DAAM1: variants seen among roughly 807,000 people sequenced by gnomAD.
DAAM1 encodes the protein dishevelled associated activator of morphogenesis 1.
A neutral mutation model predicts 130.0 loss-of-function variants in DAAM1; 52 were observed. The observed-to-expected ratio is 0.40, with a 90% CI of 0.32 to 0.50. DAAM1 has a LOEUF of 0.50. DAAM1 is among the 20% of genes least tolerant of loss of function. The probability of loss-of-function intolerance (pLI) is 0.61; values close to 1 mark genes in which losing one functional copy is unlikely to be tolerated. For synonymous variants in DAAM1, 452 were observed against 444.5 expected (o/e 1.02, Z -0.21); for missense variants, 1,134 against 1,303.8 (o/e 0.87, Z 2.01).
intron 23 of DAAM1, 50 bp from the exon 24 acceptor site, chr14:59,367,379 T>C: frequency 3.2e-6 from 5 of 1,549,192 alleles, no homozygotes; most frequent in Non-Finnish European, 3.5e-6. Flanking sequence ...TTATATTTGA[T>C]TGTGGAATTC....
At chr14:59,202,413 C>A (rs1888133497) in intron 1 of DAAM1, among the ~76,000 whole-genome samples, 1 of 152,134 alleles carries the variant, frequency 6.6e-6, no homozygotes, top group African/African-American at 2.4e-5. Context: ...ATAGCAGAAG[C>A]AAGGAAAATA....
At position 59,331,252 on chromosome 14, in the gene DAAM1, C is replaced by A; in HGVS notation, c.1604C>A (p.Ala535Glu). 6.2e-7 allele frequency: 1 copy of A among 1,613,026 alleles called. No individual in the cohort carries two copies. Among genetic ancestry groups the A allele is most frequent in the Non-Finnish European group, 8.5e-7 (1 of 1,179,996 alleles). ...ATCCCAGGTGGACCCTCGCCTGGAG[C>A]ACCAGGAGGGCCCTTTCCTTCCTCT... ...ASIPGGPSPG[A>E]PGGPFPSSVP... is the part of the protein sequence containing the mutation. The change falls in exon 14 of 25, where the codon GCA (alanine) becomes GAA (glutamate). Residue 535 changes from alanine (A) to glutamate (E), a missense_variant. This residue lies in a region of DAAM1 where 644 missense variants were observed against 695.9 expected (regional missense o/e 0.93). Transcript: ENST00000360909.
chr14:59,323,160 C>G lies in DAAM1; in HGVS notation c.709C>G (p.His237Asp), dbSNP rs201077027. 6.2e-7 allele frequency: 1 copy of G among 1,613,732 alleles called. No individual in the cohort carries two copies. ...CGCCGTGTGCCTGGTTCCCGGGGGC[C>G]ACAAGAAGGTTCTGCAGGCCATGCT... ...LGAVCLVPGG[H>D]KKVLQAMLHY... The change falls in exon 6 of 25, where the codon CAC becomes GAC. Residue 237 changes from histidine to aspartate, a missense_variant. His to Asp is a moderately conservative substitution (Grantham distance 81, BLOSUM62 -1). Around this residue, in one of 3 missense-constraint regions of DAAM1, gnomAD observed 391 missense variants for 521.6 expected, o/e 0.75. Transcript: ENST00000360909.
chr14:59,243,742 T>G (rs1023019370), intron 1 of DAAM1, among the ~76,000 whole-genome samples: 2 of 152,210 alleles, frequency 1.3e-5, no homozygotes, highest in African/African-American at 4.8e-5. Flanking sequence ...CTTTGTCCAG[T>G]GACTGAATAC....
chr14:59,281,201 A>G (rs1415149598), intron 2 of DAAM1, among the ~76,000 whole-genome samples: 1 of 152,196 alleles, frequency 6.6e-6, no homozygotes, highest in Non-Finnish European at 1.5e-5. Flanking sequence ...CCAGGAGGAC[A>G]TATCAAAAGT....
At chr14:59,315,199 G>A (rs2139605671) in intron 3 of DAAM1, 81 bp from the exon 4 acceptor site, 3 of 1,234,268 alleles carry the variant, frequency 2.4e-6, no homozygotes, top group Non-Finnish European at 3.6e-6. Flanking sequence ...TCATTGTCTG[G>A]GTGCTCTGGA....
chr14:59,232,738 T>C (rs889928694), intron 1 of DAAM1, among the ~76,000 whole-genome samples: 9 of 151,996 alleles, frequency 5.9e-5, no homozygotes, highest in African/African-American at 2.2e-4. Context: ...CAACCTGTCA[T>C]CGAGGTTTTG....
intron 8 of DAAM1, 100 bp from the exon 9 acceptor site, chr14:59,325,564 C>A: frequency 9.6e-7 from 1 of 1,037,254 alleles, no homozygotes; most frequent in Non-Finnish European, 1.4e-6. Context: ...TGAGATATCT[C>A]TGAAAAGTCA....
intron 15 of DAAM1, among the ~76,000 whole-genome samples, chr14:59,339,071 T>C (rs979716614): frequency 1.3e-5 from 2 of 152,206 alleles, no homozygotes; most frequent in Non-Finnish European, 2.9e-5. Flanking sequence ...TCACGAGGCT[T>C]AGTAGGAAAG....
intron 1 of DAAM1, among the ~76,000 whole-genome samples, chr14:59,230,384 T>C (rs142151606): frequency 5.4e-4 from 82 of 151,948 alleles, no homozygotes; most frequent in African/African-American, 1.9e-3. Flanking sequence ...ACATGGAGCC[T>C]CTTCCTGGGC....
At chr14:59,269,973 A>G (rs1268914752) in intron 2 of DAAM1, among the ~76,000 whole-genome samples, 2 of 152,230 alleles carry the variant, frequency 1.3e-5, no homozygotes, top group African/African-American at 2.4e-5. Flanking sequence ...ACTTAAACAT[A>G]TATATCAAAT....
chr14:59,202,391 C>A (rs2139395903), intron 1 of DAAM1, among the ~76,000 whole-genome samples: 1 of 152,274 alleles, frequency 6.6e-6, no homozygotes, highest in East Asian at 1.9e-4. Flanking sequence ...CAGATCCAGG[C>A]TTCTAGCAAG....
At chr14:59,337,597 CA>C (rs1566711370) in intron 15 of DAAM1, among the ~76,000 whole-genome samples, 1 of 152,222 alleles carries the variant, frequency 6.6e-6, no homozygotes, top group Non-Finnish European at 1.5e-5. Context: ...GTAACTTTCT[CA>C]CAGCATGTCA....
chr14:59,263,916 C>G (rs1233615297), intron 2 of DAAM1: 6 of 518,918 alleles, frequency 1.2e-5, no homozygotes, highest in Non-Finnish European at 2.1e-5. Context: ...TTCAGTTCTT[C>G]AAATATGTGG....
Position 59,305,162 on chromosome 14 carries a change from T to G in DAAM1, c.274-10118T>G, listed in dbSNP as rs545845146. On this transcript the variant is annotated intron_variant, in intron 3 of 24. Coordinates refer to ENST00000360909, the MANE Select transcript of DAAM1 (RefSeq NM_001270520.2). Reference sequence around the variant, plus strand: ...CAAATATGTTAATTTACAAACCAACTGGACCACATTGTACCTGGGTCTTTA... The same window carrying G: ...CAAATATGTTAATTTACAAACCAACGGGACCACATTGTACCTGGGTCTTTA... Among the ~76,000 whole-genome samples the G allele has an allele frequency of 2.6e-5, 4 of 152,348 alleles. No individual in the cohort carries two copies. In the East Asian group the frequency reaches 7.7e-4, roughly 29 times the overall value.
chr14:59,365,913 G>A lies in DAAM1; in HGVS notation c.2827-1516G>A, dbSNP rs78460928. 3.2e-3 allele frequency among the ~76,000 whole-genome samples: 480 copies of A among 152,164 alleles called. 1 individual carries two copies. The highest frequency in any genetic ancestry group is 0.011 in the African/African-American group (446 of 41,524). ...GAAGTATAATTTTAACAAACAATTT[G>A]ACATTGAATATTATTTGGGTAGTTA... On this transcript the variant is annotated intron_variant, in intron 23 of 24. Transcript: ENST00000360909.
chr14:59,225,934 T>C (rs954128724), intron 1 of DAAM1, among the ~76,000 whole-genome samples: 1 of 150,426 alleles, frequency 6.6e-6, no homozygotes, highest in Admixed American at 6.6e-5. Context: ...ATATATATAT[T>C]AATTGAACCC....
chr14:59,262,261 T>C (rs940119481), intron 1 of DAAM1, among the ~76,000 whole-genome samples: 12 of 152,340 alleles, frequency 7.9e-5, no homozygotes, highest in South Asian at 2.1e-4. Flanking sequence ...TTAATTTACA[T>C]GTATGGCTTT....
intron 10 of DAAM1, among the ~76,000 whole-genome samples, chr14:59,326,292 A>C (rs1373241123): frequency 6.6e-6 from 1 of 152,204 alleles, no homozygotes; most frequent in Non-Finnish European, 1.5e-5. Flanking sequence ...AAAAATAAAA[A>C]ATATGCCTTA....
Sources: allele counts gnomAD v4.1 joint callset (sites outside exome capture counted in the v4.1 genomes callset), GRCh38; gene constraint gnomAD v4.1.1; regional missense constraint gnomAD v4.1.1; transcripts MANE v1.5; gene names NCBI Gene and HGNC (gene_info 2026-07-23, HGNC 2026-07-21).